SCFD2: variants seen among roughly 807,000 people sequenced by gnomAD.
The protein encoded by SCFD2 is sec1 family domain containing 2.
Under a neutral mutation model 58.9 loss-of-function variants are expected in SCFD2, and 54 were observed. The observed-to-expected ratio is 0.92, with a 90% CI of 0.74 to 1.15. The LOEUF is 1.15. Among genes scored for constraint, SCFD2 ranks in the 50% most tolerant of loss-of-function variants. The pLI, the probability that SCFD2 is intolerant of heterozygous loss-of-function variation, is 0.00. For synonymous variants in SCFD2, 321 were observed against 335.9 expected (o/e 0.96, Z 0.49); for missense variants, 805 against 836.6 (o/e 0.96, Z 0.47).
chr4:52,940,209 G>A (rs10014144), intron 5 of SCFD2, among the ~76,000 whole-genome samples: 10,019 of 152,282 alleles, frequency 0.066, 460 homozygotes, highest in African/African-American at 0.13. Context: ...AAAGGTGCCT[G>A]AGGAACCTCA....
At chr4:53,226,809 A>G (rs1174699766) in intron 4 of SCFD2, among the ~76,000 whole-genome samples, 2 of 152,222 alleles carry the variant, frequency 1.3e-5, no homozygotes, top group South Asian at 2.1e-4. Flanking sequence ...ATGACCCAGT[A>G]AAAGAGAAGA....
At chr4:53,117,348 C>T (rs1379051747) in intron 5 of SCFD2, among the ~76,000 whole-genome samples, 1 of 152,110 alleles carries the variant, frequency 6.6e-6, no homozygotes, top group Non-Finnish European at 1.5e-5. Flanking sequence ...TTCTTGTTCC[C>T]ATATACAGCA....
chr4:53,352,560 A>G (rs769782264), intron 2 of SCFD2, 38 bp downstream of exon 2: 17 of 1,528,178 alleles, frequency 1.1e-5, no homozygotes, highest in Non-Finnish European at 1.4e-5. Context: ...AAAGGGGAAG[A>G]CAGAGAAAGA....
chr4:53,300,015 CA>C (rs2149096710), intron 3 of SCFD2, among the ~76,000 whole-genome samples: 1 of 152,256 alleles, frequency 6.6e-6, no homozygotes, highest in East Asian at 1.9e-4. Flanking sequence ...TAAAGACCAT[CA>C]AAGCAAGGAA....
At chr4:53,201,957 T>A (rs1197067642) in intron 4 of SCFD2, among the ~76,000 whole-genome samples, 1 of 152,194 alleles carries the variant, frequency 6.6e-6, no homozygotes, top group Non-Finnish European at 1.5e-5. Context: ...TGCAAAAATT[T>A]TCTCCCATTC....
At chr4:53,010,391 A>G (rs1191287404) in intron 5 of SCFD2, among the ~76,000 whole-genome samples, 1 of 152,266 alleles carries the variant, frequency 6.6e-6, no homozygotes, top group Non-Finnish European at 1.5e-5. Context: ...TTTACACAAT[A>G]GTAAATACAT....
chr4:53,279,944 G>A (rs2149075678), intron 3 of SCFD2, among the ~76,000 whole-genome samples: 1 of 152,246 alleles, frequency 6.6e-6, no homozygotes, highest in East Asian at 1.9e-4. Flanking sequence ...ACCTCCACCT[G>A]GTCTCTCCCT....
In SCFD2 at chr4:53,030,272, T is replaced by C. The variant is rs559324466; in HGVS notation, c.1562-109402A>G. Among the ~76,000 whole-genome samples, 47 of 152,010 alleles carry C rather than the reference T, an allele frequency of 3.1e-4. 1 individual carries two copies. In the South Asian group the frequency reaches 9.6e-3, roughly 31 times the overall value. On this transcript the variant is annotated intron_variant, in intron 5 of 8. Coordinates refer to ENST00000401642, the MANE Select transcript of SCFD2 (RefSeq NM_152540.4). ...AAATGAAAATAAAAACCACAATGAG[T>C]GGTAGCTACAAACCTACTGGAATGG...
intron 7 of SCFD2, among the ~76,000 whole-genome samples, chr4:52,902,816 TG>T (rs1006944616): frequency 6.6e-6 from 1 of 152,178 alleles, no homozygotes; most frequent in Non-Finnish European, 1.5e-5. Flanking sequence ...CGGTGGAGCT[TG>T]GGTTCTAACC....
chr4:53,155,760 A>C (rs2148922157), intron 4 of SCFD2, among the ~76,000 whole-genome samples: 1 of 152,354 alleles, frequency 6.6e-6, no homozygotes, highest in South Asian at 2.1e-4. Context: ...TAATCGCATA[A>C]GCCAATATTT....
At chr4:52,938,958 AG>A (rs1255827640) in intron 5 of SCFD2, among the ~76,000 whole-genome samples, 1 of 152,124 alleles carries the variant, frequency 6.6e-6, no homozygotes, top group East Asian at 1.9e-4. Context: ...GCCACTTCTG[AG>A]CTGAAGCCTT....
chr4:53,093,966 T>A (rs965664606), intron 5 of SCFD2, among the ~76,000 whole-genome samples: 2 of 152,092 alleles, frequency 1.3e-5, no homozygotes, highest in Admixed American at 6.6e-5. Flanking sequence ...ACATTGAAAT[T>A]TTCTTTAATA....
chr4:53,364,320 C>T (rs1209316684), intron 1 of SCFD2, among the ~76,000 whole-genome samples: 7 of 152,102 alleles, frequency 4.6e-5, no homozygotes, highest in African/African-American at 7.2e-5. Context: ...GTCAGTTTTC[C>T]GATTATTCTC....
intron 5 of SCFD2, among the ~76,000 whole-genome samples, chr4:53,143,022 A>T (rs544713440): frequency 6.6e-6 from 1 of 152,330 alleles, no homozygotes; most frequent in East Asian, 1.9e-4. Context: ...CTTAATTTTT[A>T]ATCTTTAATT....
chr4:53,080,189 G>A (rs180897918), intron 5 of SCFD2, among the ~76,000 whole-genome samples: 2 of 152,014 alleles, frequency 1.3e-5, no homozygotes, highest in Non-Finnish European at 2.9e-5. Context: ...CTCATCTCAC[G>A]TTTAGATTTT....
intron 5 of SCFD2, among the ~76,000 whole-genome samples, chr4:53,111,783 T>C (rs1725180435): frequency 6.6e-6 from 1 of 152,172 alleles, no homozygotes; most frequent in South Asian, 2.1e-4. Context: ...TTGTGATTTA[T>C]AGCTTATGCT....
chr4:53,323,657 G>T (rs1315211333), intron 2 of SCFD2, among the ~76,000 whole-genome samples: 9 of 150,864 alleles, frequency 6.0e-5, no homozygotes, highest in African/African-American at 2.2e-4. Flanking sequence ...TGGGATAACA[G>T]GCATAAGCCA....
intron 5 of SCFD2, among the ~76,000 whole-genome samples, chr4:53,129,409 T>C (rs1336441221): frequency 1.3e-5 from 2 of 152,246 alleles, no homozygotes; most frequent in Non-Finnish European, 2.9e-5. Context: ...GTGGGAATTA[T>C]ATTATTGTTT....
rs201866719 is a variant in SCFD2 at position 53,030,743 on chromosome 4, A to T, written c.1562-109873T>A. On this transcript the variant is annotated intron_variant, in intron 5 of 8. Transcript: ENST00000401642. ...GGCCAATCTAGCAGTTTTTATGAAG[A>T]TAAACACATACTTACCTATATGACC... 1.8e-4 allele frequency among the ~76,000 whole-genome samples: 28 copies of T among 152,286 alleles called. No homozygotes were observed. In the East Asian group the frequency reaches 4.8e-3, roughly 26 times the overall value.
Sources: allele counts gnomAD v4.1 joint callset (sites outside exome capture counted in the v4.1 genomes callset), GRCh38; gene constraint gnomAD v4.1.1; transcripts MANE v1.5; gene names NCBI Gene and HGNC (gene_info 2026-07-23, HGNC 2026-07-21).